The following SMIM41 variants were observed in gnomAD, a reference collection of about 807,000 sequenced individuals.
SMIM41 encodes small integral membrane protein 41.
intron 2 of SMIM41, among the ~76,000 whole-genome samples, chr12:52,101,954 C>T (rs912948661): frequency 3.9e-5 from 6 of 152,198 alleles, no homozygotes; most frequent in Admixed American, 6.5e-5. Context: ...CTCAGGTGAT[C>T]CGCCCACCTC....
chr12:52,080,333 A>ACGGC (rs1939799341), intron 1 of SMIM41, among the ~76,000 whole-genome samples, 152 bp downstream of exon 1: 1 of 152,022 alleles, frequency 6.6e-6, no homozygotes, highest in Admixed American at 6.5e-5. Flanking sequence ...CTGTAAGTCC[A>ACGGC]CGGCCGGTGG....
At chr12:52,088,803 C>T (rs1317275) in intron 2 of SMIM41, among the ~76,000 whole-genome samples, 29,753 of 152,050 alleles carry the variant, frequency 0.2, 3,802 homozygotes, top group East Asian at 0.45. Flanking sequence ...GTCCACTGCT[C>T]ATAGGATGGC....
chr12:52,095,836 G>A (rs568157603), intron 2 of SMIM41, among the ~76,000 whole-genome samples: 1 of 152,164 alleles, frequency 6.6e-6, no homozygotes, highest in Non-Finnish European at 1.5e-5. Context: ...AACAGAGTGG[G>A]TGTACACCTC....
chr12:52,087,186 C>A (rs776659752), intron 2 of SMIM41, among the ~76,000 whole-genome samples: 1 of 152,200 alleles, frequency 6.6e-6, no homozygotes, highest in South Asian at 2.1e-4. Flanking sequence ...GCCGGGCCTC[C>A]GCCTCTGCAG....
intron 2 of SMIM41, chr12:52,084,825 T>C (rs1565665176): frequency 2.0e-5 from 3 of 152,084 alleles, no homozygotes; most frequent in Non-Finnish European, 4.4e-5. Context: ...TTAAAGAACT[T>C]GGGGGTAAGT....
In SMIM41 at chr12:52,107,656, G is replaced by T. The variant is rs1242984487; in HGVS notation, c.*473G>T. ...AAGTCTCTCTTTGCCATTTTTGGAG[G>T]CACGGAAGAGAGACATGCTCCTGAG... On this transcript the variant is annotated 3_prime_UTR_variant, in exon 3 of 3. Coordinates refer to ENST00000546390, the MANE Select transcript of SMIM41 (RefSeq NM_001369216.1). 9.3e-6 allele frequency: 5 copies of T among 539,234 alleles called. No homozygotes were observed. Among genetic ancestry groups the T allele is most frequent in the Non-Finnish European group, 1.8e-5 (5 of 277,074 alleles). 33.4% of individuals were successfully genotyped at this position (539,234 alleles called of 1,614,324 possible).
intron 2 of SMIM41, among the ~76,000 whole-genome samples, chr12:52,104,833 G>A (rs1940300232): frequency 6.6e-6 from 1 of 152,234 alleles, no homozygotes; most frequent in African/African-American, 2.4e-5. Flanking sequence ...TGAGGATAAA[G>A]AGGATGATGA....
rs145830818 is a variant in SMIM41, at chr12:52,081,435, C to T, written c.*120+1254C>T. 6.6e-6 allele frequency among the ~76,000 whole-genome samples: 1 copy of T among 152,194 alleles called. No individual in the cohort carries two copies. The highest frequency in any genetic ancestry group is 2.4e-5 in the African/African-American group (1 of 41,504). The stretch of plus-strand genomic sequence containing the variant: ...CAACGTGTGATCCCTGCCCAGCAGC[C>T]CAGGATTTGGCACTAATCCTGGGCA... On this transcript the variant is annotated intron_variant, in intron 1 of 2. Coordinates refer to ENST00000546390, the MANE Select transcript of SMIM41 (RefSeq NM_001369216.1). This position sits in a 1 kb window ranked among gnomAD's most constrained non-coding sequence, Gnocchi z 4.1.
intron 2 of SMIM41, among the ~76,000 whole-genome samples, chr12:52,106,265 T>C (rs532197962): frequency 1.2e-4 from 18 of 152,350 alleles, no homozygotes; most frequent in African/African-American, 3.8e-4. Context: ...TAAACATCTA[T>C]GTGAATTATT....
chr12:52,092,377 G>A (rs1940021319), intron 2 of SMIM41: 1 of 152,206 alleles, frequency 6.6e-6, no homozygotes, highest in African/African-American at 2.4e-5. Flanking sequence ...CTCCCCCAGA[G>A]ACCAAGGCGG....
chr12:52,097,689 C>T (rs1274981429), intron 2 of SMIM41, among the ~76,000 whole-genome samples: 3 of 151,954 alleles, frequency 2.0e-5, no homozygotes, highest in Non-Finnish European at 2.9e-5. Context: ...GGCGTGTATT[C>T]CCCCTTCCAT....
chr12:52,106,734 A>G (rs955210852), intron 2 of SMIM41, among the ~76,000 whole-genome samples: 1 of 152,248 alleles, frequency 6.6e-6, no homozygotes, highest in Non-Finnish European at 1.5e-5. Context: ...GATTTGAGTA[A>G]GCAATTACTC....
intron 2 of SMIM41, chr12:52,093,759 T>C (rs1275907002): frequency 2.0e-5 from 3 of 152,270 alleles, no homozygotes; most frequent in Admixed American, 1.3e-4. Flanking sequence ...GTCGGCTCTA[T>C]TGCTGGACTA....
At chr12:52,084,641 T>C (rs1378244369) in intron 2 of SMIM41, 3 of 152,376 alleles carry the variant, frequency 2.0e-5, no homozygotes, top group African/African-American at 7.3e-5. Context: ...AGGCAGAGAT[T>C]TGGAGGTGTG....
At chr12:52,097,647 C>T in intron 2 of SMIM41, among the ~76,000 whole-genome samples, 1 of 152,108 alleles carries the variant, frequency 6.6e-6, no homozygotes, top group East Asian at 1.9e-4. Flanking sequence ...ATCATTCTCT[C>T]CTCCACTGCA....
intron 2 of SMIM41, among the ~76,000 whole-genome samples, chr12:52,092,836 T>A (rs1940026987): frequency 6.6e-6 from 1 of 152,228 alleles, no homozygotes; most frequent in African/African-American, 2.4e-5. Flanking sequence ...AAATTTACTT[T>A]TTTTTAGTAA....
intron 2 of SMIM41, among the ~76,000 whole-genome samples, chr12:52,096,270 T>G (rs1282824532): frequency 6.6e-6 from 1 of 152,098 alleles, no homozygotes. Flanking sequence ...CCGTGAATAT[T>G]AGAAGCAATA....
At position 52,081,704 on chromosome 12, in the gene SMIM41, C is replaced by T. The variant is rs1939822130; in HGVS notation, c.*120+1523C>T. On this transcript the variant is annotated intron_variant, in intron 1 of 2. Coordinates refer to ENST00000546390, the MANE Select transcript of SMIM41 (RefSeq NM_001369216.1). The surrounding 1 kb of genome is among the most constrained non-coding windows in gnomAD (Gnocchi z 4.1). The stretch of plus-strand genomic sequence containing the variant: ...ACCCGGTTTCACCCAGCTGCCTTGC[C>T]TGTCACCCTCTGGCCCCATACTCTC... 6.6e-6 allele frequency among the ~76,000 whole-genome samples: 1 copy of T among 152,156 alleles called. No homozygotes were observed. Among genetic ancestry groups the T allele is most frequent in the Non-Finnish European group, 1.5e-5 (1 of 68,010 alleles).
intron 2 of SMIM41, among the ~76,000 whole-genome samples, chr12:52,105,355 G>A (rs1940313990): frequency 3.3e-5 from 5 of 152,252 alleles, no homozygotes; most frequent in Admixed American, 2.6e-4. Flanking sequence ...CCTCAAAGGA[G>A]TCATAAATTC....
Sources: allele counts gnomAD v4.1 joint callset (sites outside exome capture counted in the v4.1 genomes callset), GRCh38; gene constraint gnomAD v4.1.1; non-coding constraint Gnocchi (gnomAD v3.1); transcripts MANE v1.5; gene names NCBI Gene and HGNC (gene_info 2026-07-23, HGNC 2026-07-21).